PLCG2: variants seen among roughly 807,000 people sequenced by gnomAD.
PLCG2 encodes 1-phosphatidylinositol 4,5-bisphosphate phosphodiesterase gamma-2.
Under a neutral mutation model 175.6 loss-of-function variants are expected in PLCG2, and 69 were observed. That is an observed-to-expected ratio of 0.39 (90% CI 0.32 to 0.48). PLCG2 has a LOEUF of 0.48. Among genes scored for constraint, PLCG2 ranks in the 20% least tolerant of loss-of-function variants. PLCG2 has a pLI of 0.91. For missense variants in PLCG2, 1,798 were observed against 1,650.9 expected, an observed-to-expected ratio of 1.09 and a Z score of -1.54; for synonymous variants, 827 against 624.0, an observed-to-expected ratio of 1.33 and a Z score of -4.85.
Position 81,895,284 on chromosome 16 carries a change from G to C in PLCG2, c.1073-523G>C, listed in dbSNP as rs550988612. ...TCTTTAAAAAGAAGCATTGAGGTTG[G>C]GCGTGGTGGCTCACGCCTGTAATCT... On this transcript the variant is annotated intron_variant, in intron 12 of 32. Transcript: ENST00000564138. Among the ~76,000 whole-genome samples the C allele has an allele frequency of 9.8e-5, 15 of 152,294 alleles. No individual in the cohort carries two copies. The South Asian group carries it at 2.9e-3, about 29-fold the overall frequency.
At chr16:81,946,287 G>C (rs1203402811) in intron 31 of PLCG2, 24 bp downstream of exon 31, 2 of 1,570,280 alleles carry the variant, frequency 1.3e-6, no homozygotes, top group Non-Finnish European at 8.8e-7. Context: ...CACCAGTTAA[G>C]GGTTCCCTGA....
At chr16:81,931,809 C>A (rs754650584) in intron 25 of PLCG2, among the ~76,000 whole-genome samples, 155 bp downstream of exon 25, 7 of 152,104 alleles carry the variant, frequency 4.6e-5, no homozygotes, top group Admixed American at 6.5e-5. Flanking sequence ...ACAATTGGAG[C>A]ACCTCTTGTT....
intron 7 of PLCG2, among the ~76,000 whole-genome samples, chr16:81,879,233 G>C (rs1041744622): frequency 6.6e-6 from 1 of 152,214 alleles, no homozygotes; most frequent in Non-Finnish European, 1.5e-5. Context: ...GGGCTTGGAA[G>C]TGTTCTAGCC....
chr16:81,947,117 T>TAAAC (rs1414445096), intron 31 of PLCG2, among the ~76,000 whole-genome samples: 1 of 152,186 alleles, frequency 6.6e-6, no homozygotes, highest in Non-Finnish European at 1.5e-5. Flanking sequence ...AAGGCTGTTG[T>TAAAC]AAACAACCGG....
At chr16:81,792,421 C>T (rs1206186310) in intron 2 of PLCG2, among the ~76,000 whole-genome samples, 2 of 127,238 alleles carry the variant, frequency 1.6e-5, no homozygotes, top group Non-Finnish European at 3.1e-5. Flanking sequence ...GCGGAGGCTG[C>T]AGTGAGCCGA....
At chr16:81,935,535 A>G (rs1910671507) in intron 26 of PLCG2, 1 of 985,148 alleles carries the variant, frequency 1.0e-6, no homozygotes, top group Non-Finnish European at 1.2e-6. Flanking sequence ...CTTTCATCTT[A>G]GAACAGAAGA....
intron 14 of PLCG2, among the ~76,000 whole-genome samples, chr16:81,903,131 T>A (rs1372856418): frequency 6.6e-6 from 1 of 152,184 alleles, no homozygotes; most frequent in Non-Finnish European, 1.5e-5. Flanking sequence ...ATATAAATTT[T>A]GGGAGGACAC....
chr16:81,822,746 A>G (rs1159687838), intron 2 of PLCG2, among the ~76,000 whole-genome samples: 1 of 116,936 alleles, frequency 8.6e-6, no homozygotes, highest in African/African-American at 3.4e-5. Flanking sequence ...GGGAGACAAG[A>G]GCGAGACTCC....
At chr16:81,901,055 C>T (rs1013605682) in intron 14 of PLCG2, among the ~76,000 whole-genome samples, 30 of 152,354 alleles carry the variant, frequency 2.0e-4, no homozygotes, top group African/African-American at 6.7e-4. Flanking sequence ...GTGCAGAATG[C>T]GTGCAACTGC....
At chr16:81,782,987 G>T (rs752750844) in intron 1 of PLCG2, 10 of 396,006 alleles carry the variant, frequency 2.5e-5, no homozygotes, top group Non-Finnish European at 4.4e-5. Flanking sequence ...CAGCATGGAA[G>T]TCTGGTGTTT....
intron 1 of PLCG2, among the ~76,000 whole-genome samples, chr16:81,782,120 C>T (rs1910763826): frequency 6.6e-6 from 1 of 152,134 alleles, no homozygotes. Flanking sequence ...TCATGATCCG[C>T]CCACCTCGGC....
rs969992305 is a variant in PLCG2 at position 81,850,767 on chromosome 16, C to G, written c.194-3677C>G. ...GAGAGCTTCTTCCTGTGTTGCATAT[C>G]TCATTAGCGTGTTAAATCCCCACCC... On this transcript the variant is annotated intron_variant, in intron 2 of 32. Transcript: ENST00000564138. 3.3e-5 allele frequency among the ~76,000 whole-genome samples: 5 copies of G among 152,312 alleles called. No individual in the cohort carries two copies. In the East Asian group the frequency reaches 9.6e-4, roughly 29 times the overall value.
At chr16:81,789,295 C>T (rs576871192) in intron 2 of PLCG2, among the ~76,000 whole-genome samples, 30 of 152,322 alleles carry the variant, frequency 2.0e-4, no homozygotes, top group South Asian at 6.2e-4. Flanking sequence ...TGCGCTCTCT[C>T]GCTCTCTGTT....
intron 14 of PLCG2, among the ~76,000 whole-genome samples, chr16:81,901,508 G>A (rs1909150042): frequency 1.3e-5 from 2 of 152,292 alleles, no homozygotes; most frequent in South Asian, 2.1e-4. Context: ...ATCTCTCAGG[G>A]CAGCAGTTTT....
intron 2 of PLCG2, among the ~76,000 whole-genome samples, chr16:81,839,831 A>T (rs1905726193): frequency 6.6e-6 from 1 of 152,212 alleles, no homozygotes; most frequent in Non-Finnish European, 1.5e-5. Context: ...TGGGAGGATC[A>T]CTTGAGGCCA....
chr16:81,869,359 G>C, intron 6 of PLCG2, 61 bp downstream of exon 6: 1 of 1,230,810 alleles, frequency 8.1e-7, no homozygotes. Context: ...CCTCTCTCAT[G>C]AAGCCGTGGC....
intron 7 of PLCG2, among the ~76,000 whole-genome samples, chr16:81,879,321 A>G (rs1334034463): frequency 6.6e-6 from 1 of 152,192 alleles, no homozygotes; most frequent in Non-Finnish European, 1.5e-5. Flanking sequence ...CCTGTCTAAA[A>G]TCTGCAACAC....
At chr16:81,945,857 G>T (rs1164332156) in intron 30 of PLCG2, among the ~76,000 whole-genome samples, 1 of 152,208 alleles carries the variant, frequency 6.6e-6, no homozygotes, top group East Asian at 1.9e-4. Flanking sequence ...TTAAGGAATT[G>T]AACCACAGCT....
chr16:81,756,251 C>A (rs544270335), intron 2 of PLCG2, among the ~76,000 whole-genome samples: 4 of 152,362 alleles, frequency 2.6e-5, no homozygotes, highest in African/African-American at 9.6e-5. Context: ...GTGGCCACTG[C>A]CCCCTACCGC....
Sources: allele counts gnomAD v4.1 joint callset (sites outside exome capture counted in the v4.1 genomes callset), GRCh38; gene constraint gnomAD v4.1.1; transcripts MANE v1.5; gene names NCBI Gene and HGNC (gene_info 2026-07-23, HGNC 2026-07-21).